Variants in SAP30 observed in about 807,000 individuals in gnomAD.
SAP30 encodes Sin3A associated protein 30, also known as histone deacetylase complex subunit SAP30.
SAP30 carries 13 observed loss-of-function variants against 19.6 expected under a neutral mutation model. That is an observed-to-expected ratio of 0.66 (90% CI 0.43 to 1.05). The LOEUF (loss-of-function observed/expected upper bound fraction) is 1.05, where lower values mean the gene tolerates loss of function less well. Among genes scored for constraint, SAP30 ranks in the 50% least tolerant of loss-of-function variants. The pLI, the probability that SAP30 is intolerant of heterozygous loss-of-function variation, is 0.00. For synonymous variants in SAP30, 108 were observed against 122.7 expected (o/e 0.88, Z 0.79); for missense variants, 257 against 292.1 (o/e 0.88, Z 0.88).
chr4:173,377,457 TAATA>T lies in SAP30; in HGVS notation c.*132_*135del, dbSNP rs1291041699. On this transcript the variant is annotated 3_prime_UTR_variant, in exon 4 of 4. Transcript: ENST00000296504. Reference sequence around the variant, plus strand: ...ATTTTATTTTCTTTGTTTCTGACTCTAATAATTAGTTGGAAACTCATATAAAATG... The same window carrying T: ...ATTTTATTTTCTTTGTTTCTGACTCTATTAGTTGGAAACTCATATAAAATG... 1.1e-6 allele frequency: 1 copy of T among 878,554 alleles called. No homozygotes were observed. Among genetic ancestry groups the T allele is most frequent in the African/African-American group, 1.8e-5 (1 of 56,138 alleles). 54.4% of individuals were successfully genotyped at this position (878,554 alleles called of 1,614,324 possible). A position where few individuals can be genotyped will look rare whatever the true frequency, so the allele number is the denominator to read the frequency against.
chr4:173,374,849 T>C (rs1739009019), intron 3 of SAP30, among the ~76,000 whole-genome samples: 1 of 152,064 alleles, frequency 6.6e-6, no homozygotes, highest in African/African-American at 2.4e-5. Context: ...ATCCATGTTT[T>C]TTTCACATCT....
At chr4:173,374,165 T>C in intron 3 of SAP30, 128 bp downstream of exon 3, 1 of 510,346 alleles carries the variant, frequency 2.0e-6, no homozygotes, top group Non-Finnish European at 3.5e-6. Context: ...AAAAAATCTG[T>C]TGTGGAAGAA....
rs773071569 is a variant in SAP30 at position 173,371,160 on chromosome 4, G to T, written c.-23G>T. The T allele has an allele frequency of 8.1e-6, 12 of 1,475,298 alleles. No homozygotes were observed. Among genetic ancestry groups the T allele is most frequent in the Non-Finnish European group, 1.1e-5 (12 of 1,118,290 alleles). 91.4% of individuals were successfully genotyped at this position (1,475,298 alleles called of 1,614,324 possible). ...CAGGAGAGAGGGGATTTCTGTCAGC[G>T]CCGGCCTCGGGAGCTCGGAGACATG... On this transcript the variant is annotated 5_prime_UTR_variant, in exon 1 of 4. Transcript: ENST00000296504. The surrounding 1 kb of genome is among the most constrained non-coding windows in gnomAD (Gnocchi z 6.4).
intron 3 of SAP30, among the ~76,000 whole-genome samples, chr4:173,376,615 TTTTA>T (rs1174162541): frequency 6.6e-6 from 1 of 151,982 alleles, no homozygotes; most frequent in Admixed American, 6.6e-5. Flanking sequence ...ATTATTTTTA[TTTTA>T]TTTATTTATC....
At chr4:173,376,786 T>C (rs1004690390) in intron 3 of SAP30, among the ~76,000 whole-genome samples, 6 of 151,882 alleles carry the variant, frequency 4.0e-5, no homozygotes, top group African/African-American at 1.5e-4. Flanking sequence ...GCCTATCTAA[T>C]TTTTGTATTT....
intron 3 of SAP30, among the ~76,000 whole-genome samples, chr4:173,376,477 T>G (rs555908625): frequency 6.6e-6 from 1 of 152,372 alleles, no homozygotes; most frequent in Non-Finnish European, 1.5e-5. Flanking sequence ...ATACTTCTTT[T>G]TCTATCAGTA....
chr4:173,370,996 C>T lies in SAP30; in HGVS notation c.-187C>T, dbSNP rs1738911728. ...CTCCAGGAGACGCTCGAGTCTGCGT[C>T]CCGGCCCTCAGCACTGTCCACTGTT... On this transcript the variant is annotated 5_prime_UTR_variant, in exon 1 of 4. Transcript: ENST00000296504. The T allele has an allele frequency of 1.5e-5, 7 of 457,756 alleles. No homozygotes were observed. The South Asian group carries it at 1.9e-4, about 12-fold the overall frequency. 28.4% of individuals were successfully genotyped at this position (457,756 alleles called of 1,614,324 possible).
chr4:173,374,809 G>A (rs867848653), intron 3 of SAP30, among the ~76,000 whole-genome samples: 7 of 151,916 alleles, frequency 4.6e-5, no homozygotes, highest in Admixed American at 4.6e-4. Flanking sequence ...TTCAAAATTT[G>A]TCCTTGTTGA....
chr4:173,375,742 T>C (rs978495366), intron 3 of SAP30, among the ~76,000 whole-genome samples: 7 of 152,208 alleles, frequency 4.6e-5, no homozygotes, highest in African/African-American at 1.7e-4. Flanking sequence ...GTAGTACATA[T>C]ATTTTAAGAG....
Position 173,371,788 on chromosome 4 carries a change from A to G in SAP30, c.315+291A>G, listed in dbSNP as rs1738941550. Among the ~76,000 whole-genome samples, 1 of 151,934 alleles carries G rather than the reference A, an allele frequency of 6.6e-6. No homozygotes were observed. Among genetic ancestry groups the G allele is most frequent in the South Asian group, 2.1e-4 (1 of 4,820 alleles). On this transcript the variant is annotated intron_variant, in intron 1 of 3. Coordinates refer to ENST00000296504, the MANE Select transcript of SAP30 (RefSeq NM_003864.4). The surrounding 1 kb of genome is among the most constrained non-coding windows in gnomAD (Gnocchi z 6.4). ...TCTTCCCTCTTCCTTCTCCTCTGCG[A>G]CCGGGACACGAAACAAAGGGGACCG...
chr4:173,371,446 G>C lies in SAP30; in HGVS notation c.264G>C (p.Arg88Ser). ...RAAGNASFSK[R>S]IQKSISQKKV... is the part of the protein sequence containing the mutation. Reference sequence around the variant, plus strand: ...CAGGCAACGCCAGCTTCAGCAAGAGGATCCAGAAGAGCATCTCCCAGAAGA... The same window carrying C: ...CAGGCAACGCCAGCTTCAGCAAGAGCATCCAGAAGAGCATCTCCCAGAAGA... Residue 88 changes from arginine to serine, a missense_variant, in exon 1 of 4, where the codon AGG becomes AGC. Arg to Ser is a moderately radical substitution (Grantham distance 110). Transcript: ENST00000296504. This position sits in a 1 kb window ranked among gnomAD's most constrained non-coding sequence, Gnocchi z 6.4. 6.3e-7 allele frequency: 1 copy of C among 1,592,930 alleles called. No individual in the cohort carries two copies. The highest frequency in any genetic ancestry group is 8.5e-7 in the Non-Finnish European group (1 of 1,176,490).
At chr4:173,373,850 C>G in intron 2 of SAP30, 89 bp from the exon 3 acceptor site, 1 of 568,940 alleles carries the variant, frequency 1.8e-6, no homozygotes, top group Non-Finnish European at 2.9e-6. Flanking sequence ...TTTTATTGTG[C>G]TGAAGTTAAA....
intron 3 of SAP30, among the ~76,000 whole-genome samples, chr4:173,374,363 C>T (rs1739001757): frequency 6.6e-6 from 1 of 152,138 alleles, no homozygotes; most frequent in African/African-American, 2.4e-5. Flanking sequence ...GAAACCTCTA[C>T]CTACCAGGTT....
intron 1 of SAP30, among the ~76,000 whole-genome samples, chr4:173,372,132 T>C (rs894300070): frequency 6.6e-6 from 1 of 152,244 alleles, no homozygotes; most frequent in Non-Finnish European, 1.5e-5. Flanking sequence ...GGTTTTGCCA[T>C]CCCCTTGGCA....
intron 3 of SAP30, among the ~76,000 whole-genome samples, chr4:173,376,489 A>G (rs1472806330): frequency 6.6e-6 from 1 of 152,236 alleles, no homozygotes; most frequent in Non-Finnish European, 1.5e-5. Context: ...CTATCAGTAG[A>G]GTCTAAACCA....
rs1738910653 is a variant in SAP30, at chr4:173,370,963, G to A, written c.-220G>A. The A allele has an allele frequency of 1.4e-5, 4 of 276,866 alleles. No individual in the cohort carries two copies. The highest frequency in any genetic ancestry group is 2.3e-5 in the African/African-American group (1 of 44,264). 17.2% of individuals were successfully genotyped at this position (276,866 alleles called of 1,614,324 possible). ...GAAGTCCCCATGTGACAGTGAGCGG[G>A]GTCCCCGCTCCAGGAGACGCTCGAG... is the stretch of plus-strand genomic sequence containing the variant. On this transcript the variant is annotated 5_prime_UTR_variant, in exon 1 of 4. Coordinates refer to ENST00000296504, the MANE Select transcript of SAP30 (RefSeq NM_003864.4).
rs773166192 is a variant in SAP30 at position 173,371,354 on chromosome 4, G to A, written c.172G>A (p.Ala58Thr). ...GGTCTCAGCGGCTGGGCCCCCGGGG[G>A]CGGCCGGGCCGGGCCCCGGGCAACT... The part of the protein sequence containing the change: ...GAVSAAGPPG[A>T]AGPGPGQLCC... Residue 58 changes from alanine to threonine, a missense_variant, in exon 1 of 4, where the codon GCG becomes ACG. Physicochemically the swap from Ala to Thr is moderately conservative, Grantham distance 58. Transcript: ENST00000296504. This position sits in a 1 kb window ranked among gnomAD's most constrained non-coding sequence, Gnocchi z 6.4. 28 of 1,486,670 alleles carry A rather than the reference G, an allele frequency of 1.9e-5. No individual in the cohort carries two copies. In the African/African-American group the frequency reaches 3.1e-4, roughly 16 times the overall value. The allele number at this position is 1,486,670 out of a possible 1,614,324, so 92.1% of individuals were successfully genotyped here.
chr4:173,376,871 C>T (rs1243692114), intron 3 of SAP30, among the ~76,000 whole-genome samples: 1 of 152,076 alleles, frequency 6.6e-6, no homozygotes, highest in Non-Finnish European at 1.5e-5. Context: ...ATCCACCCAC[C>T]TCTGCCTCCC....
chr4:173,371,016 ACT>A lies in SAP30; in HGVS notation c.-166_-165del. 1.5e-6 allele frequency: 1 copy of A among 687,126 alleles called. No individual in the cohort carries two copies. The highest frequency in any genetic ancestry group is 2.0e-6 in the Non-Finnish European group (1 of 489,412). 42.6% of individuals were successfully genotyped at this position (687,126 alleles called of 1,614,324 possible). A position where few individuals can be genotyped will look rare whatever the true frequency, so the allele number is the denominator to read the frequency against. ...TGCGTCCCGGCCCTCAGCACTGTCC[ACT>A]GTTTCGGTGCCAGCAGAGACCAGCA... On this transcript the variant is annotated 5_prime_UTR_variant, in exon 1 of 4. Transcript: ENST00000296504. This position sits in a 1 kb window ranked among gnomAD's most constrained non-coding sequence, Gnocchi z 6.4.
Sources: allele counts gnomAD v4.1 joint callset (sites outside exome capture counted in the v4.1 genomes callset), GRCh38; gene constraint gnomAD v4.1.1; non-coding constraint Gnocchi (gnomAD v3.1); transcripts MANE v1.5; gene names NCBI Gene and HGNC (gene_info 2026-07-23, HGNC 2026-07-21).